The following C5 variants were observed in gnomAD, a reference collection of about 807,000 sequenced individuals.
C5 encodes complement C5.
Under a neutral mutation model 218.8 loss-of-function variants are expected in C5, and 140 were observed. The ratio of observed to expected loss-of-function variants is 0.64; its 90% CI spans 0.56 to 0.74. The LOEUF is 0.74. Among genes scored for constraint, C5 ranks in the 30% least tolerant of loss-of-function variants. The pLI, the probability that C5 is intolerant of heterozygous loss-of-function variation, is 0.00. For missense variants in C5, 1,700 were observed against 1,969.6 expected (o/e 0.86, Z 2.59); for synonymous variants, 614 against 682.3 (o/e 0.90, Z 1.56).
At chr9:121,050,784 AAGG>A (rs2047666045), upstream of C5, among the ~76,000 whole-genome samples, 1 of 152,154 alleles carries the variant, frequency 6.6e-6, no homozygotes, top group African/African-American at 2.4e-5. Flanking sequence ...TAGCTCTGCA[AAGG>A]AGGTCTAGGG....
At chr9:121,018,252 CAAAAAAAAAAAA>C (rs1189613789) in intron 12 of C5, among the ~76,000 whole-genome samples, 11 of 42,204 alleles carry the variant, frequency 2.6e-4, no homozygotes, top group South Asian at 9.4e-4. Flanking sequence ...GACTCTGTCT[CAAAAAAAAAAAA>C]AAAAAAAAAA....
At chr9:120,958,507 C>T (rs1025618386) in intron 38 of C5, among the ~76,000 whole-genome samples, 1 of 150,660 alleles carries the variant, frequency 6.6e-6, no homozygotes, top group Non-Finnish European at 1.5e-5. Flanking sequence ...ATAGTATTCT[C>T]AAGTCTTCAT....
chr9:120,963,432 G>T (rs528337868), intron 34 of C5, among the ~76,000 whole-genome samples: 3 of 151,950 alleles, frequency 2.0e-5, no homozygotes, highest in Non-Finnish European at 4.4e-5. Context: ...ACTTGAACCC[G>T]AGAGGTGCGG....
chr9:120,994,242 C>G (rs2047099223), intron 22 of C5, among the ~76,000 whole-genome samples: 1 of 151,346 alleles, frequency 6.6e-6, no homozygotes, highest in South Asian at 2.1e-4. Flanking sequence ...TTTTTTTTAA[C>G]TGAACCCTGT....
At chr9:120,966,130 T>C (rs544454031) in intron 33 of C5, among the ~76,000 whole-genome samples, 3 of 152,330 alleles carry the variant, frequency 2.0e-5, no homozygotes, top group Admixed American at 2.0e-4. Context: ...ACAGTTCCTT[T>C]TGGAATTTAC....
the C5 span, among the ~76,000 whole-genome samples, chr9:121,071,425 G>A: frequency 1.3e-5 from 2 of 151,852 alleles, no homozygotes; most frequent in East Asian, 1.9e-4. Flanking sequence ...TGGCTCATGC[G>A]TGTAATCCCA....
chr9:120,959,633 G>A (rs1341281160), intron 38 of C5, among the ~76,000 whole-genome samples: 1 of 152,066 alleles, frequency 6.6e-6, no homozygotes, highest in Non-Finnish European at 1.5e-5. Context: ...CTCAAAAAAT[G>A]CCAGCAATAA....
intron 20 of C5, among the ~76,000 whole-genome samples, chr9:121,000,426 A>G (rs1483109503): frequency 6.6e-6 from 1 of 152,238 alleles, no homozygotes; most frequent in African/African-American, 2.4e-5. Flanking sequence ...AATCTATGGT[A>G]CTTTAAATCA....
chr9:121,013,802 TTC>T, intron 17 of C5, 69 bp downstream of exon 17: 1 of 1,329,966 alleles, frequency 7.5e-7, no homozygotes, highest in Non-Finnish European at 1.1e-6. Flanking sequence ...AAAACTGCCT[TTC>T]TTAGCAGCAT....
At position 121,016,284 on chromosome 9, in the gene C5, T is replaced by C; in HGVS notation, c.1966A>G (p.Asn656Asp). 6.2e-7 allele frequency: 1 copy of C among 1,614,066 alleles called. No individual in the cohort carries two copies. The highest frequency in any genetic ancestry group is 8.5e-7 in the Non-Finnish European group (1 of 1,179,938). Residue 656 changes from asparagine to aspartate, a missense_variant, in exon 15 of 41, where the codon AAT becomes GAT. Physicochemically the swap from Asn to Asp is conservative, Grantham distance 23. Transcript: ENST00000223642. ...FHLAGLTFLT[N>D]ANADDSQEND... is the part of the protein sequence containing the mutation. ...TCTTGGGAGTCATCTGCATTTGCATTAGTGAGGAAGGTAAGTCCAGCTAGG... is the reference window on the plus strand; with the variant it reads ...TCTTGGGAGTCATCTGCATTTGCATCAGTGAGGAAGGTAAGTCCAGCTAGG...
At chr9:121,049,759 T>A (rs980005294) in intron 1 of C5, among the ~76,000 whole-genome samples, 1 of 152,202 alleles carries the variant, frequency 6.6e-6, no homozygotes, top group Non-Finnish European at 1.5e-5. Flanking sequence ...CATAAATGTA[T>A]GGTAGAAGTC....
At chr9:121,052,643 A>T (rs551203217), upstream of C5, among the ~76,000 whole-genome samples, 1 of 152,028 alleles carries the variant, frequency 6.6e-6, no homozygotes, top group South Asian at 2.1e-4. Context: ...TTGAGCCCAA[A>T]TGACCTAGCC....
intron 9 of C5, among the ~76,000 whole-genome samples, chr9:121,024,737 C>T (rs1432099201): frequency 6.6e-6 from 1 of 152,156 alleles, no homozygotes; most frequent in Admixed American, 6.5e-5. Flanking sequence ...TCCTCTGAAT[C>T]CTATTGCATT....
Position 121,030,449 on chromosome 9 carries a change from T to C in C5, c.706A>G (p.Asn236Asp). 1 of 1,547,308 alleles carries C rather than the reference T, an allele frequency of 6.5e-7. No individual in the cohort carries two copies. The highest frequency in any genetic ancestry group is 1.7e-4 in the Middle Eastern group (1 of 5,962). Residue 236 changes from asparagine to aspartate, a missense_variant, in exon 7 of 41, where the codon AAT becomes GAT. Transcript: ENST00000223642. The part of the protein sequence containing the change: ...HFSVSIEPEY[N>D]FIGYKNFKNF... The stretch of plus-strand genomic sequence containing the variant: ...TTAAAGTTCTTGTAACCAATGAAAT[T>C]ATATTCTGGCTCGATTGAGACAGAA...
intron 16 of C5, 48 bp downstream of exon 16, chr9:121,015,151 G>T: frequency 1.7e-6 from 2 of 1,201,966 alleles, no homozygotes; most frequent in Non-Finnish European, 2.5e-6. Context: ...TCCAGTTTTT[G>T]AATGATATGA....
At chr9:121,014,131 A>G in intron 16 of C5, 61 bp from the exon 17 acceptor site, 1 of 1,386,052 alleles carries the variant, frequency 7.2e-7, no homozygotes, top group South Asian at 1.2e-5. Context: ...TCAGGCTTAG[A>G]AGGAATCTCA....
intron 28 of C5, among the ~76,000 whole-genome samples, chr9:120,978,504 A>T (rs1041140304): frequency 2.0e-5 from 3 of 152,174 alleles, no homozygotes; most frequent in Non-Finnish European, 4.4e-5. Context: ...CATATCTCAC[A>T]ATACCCAAGA....
intron 23 of C5, among the ~76,000 whole-genome samples, chr9:120,990,581 T>G (rs909069001): frequency 2.1e-4 from 32 of 152,110 alleles, no homozygotes; most frequent in Admixed American, 1.3e-4. Context: ...CTTCACCCCT[T>G]TTTGCCCTTT....
rs1356719147 is a variant in C5, at chr9:120,952,515, T to C, written c.*224A>G. ...TTATTGTTTCCGGTGTCCAATAACC[T>C]TGGAGGAGTATCTGTCTTCATGCCC... On this transcript the variant is annotated 3_prime_UTR_variant, in exon 41 of 41. Transcript: ENST00000223642. 11 of 451,974 alleles carry C rather than the reference T, an allele frequency of 2.4e-5. No individual in the cohort carries two copies. The highest frequency in any genetic ancestry group is 8.1e-6 in the Non-Finnish European group (2 of 245,914). The allele number at this position is 451,974 out of a possible 1,614,324, so 28.0% of individuals were successfully genotyped here.
Sources: allele counts gnomAD v4.1 joint callset (sites outside exome capture counted in the v4.1 genomes callset), GRCh38; gene constraint gnomAD v4.1.1; transcripts MANE v1.5; gene names NCBI Gene and HGNC (gene_info 2026-07-23, HGNC 2026-07-21).